Variants in SON observed in about 807,000 individuals in gnomAD.
SON encodes protein SON.
Under a neutral mutation model 173.3 loss-of-function variants are expected in SON, and 4 were observed. That is an observed-to-expected ratio of 0.02 (90% CI 0.01 to 0.05). The LOEUF (loss-of-function observed/expected upper bound fraction) is 0.05, where lower values mean the gene tolerates loss of function less well. Ranked by LOEUF, SON falls within the 10% of genes least tolerant of loss-of-function variation. The pLI is 1.00. For synonymous variants in SON, 1,190 were observed against 1,105.9 expected, an observed-to-expected ratio of 1.08 and a Z score of -1.51; for missense variants, 2,626 against 3,055.3, an observed-to-expected ratio of 0.86 and a Z score of 3.31.
Position 33,554,528 on chromosome 21 carries a change from C to G in SON, c.5297C>G (p.Ser1766Cys), listed in dbSNP as rs546781679. 27 of 1,614,106 alleles carry G rather than the reference C, an allele frequency of 1.7e-5. No homozygotes were observed. In the South Asian group the frequency reaches 2.9e-4, roughly 17 times the overall value. Residue 1766 changes from serine to cysteine, a missense_variant, in exon 3 of 12, where the codon TCT (serine) becomes TGT (cysteine). By Grantham distance (112) the Ser-to-Cys change is moderately radical. Around this residue, in one of 13 missense-constraint regions of SON, gnomAD observed 1,006 missense variants for 895.6 expected, o/e 1.12. Transcript: ENST00000356577. Reference sequence around the variant, plus strand: ...GCAAGTGATGTTGGACGTGACAGATCTGCTGCCAGCCCGGTTGTAAGTAGT... The same window carrying G: ...GCAAGTGATGTTGGACGTGACAGATGTGCTGCCAGCCCGGTTGTAAGTAGT... Reference protein sequence around the residue: ...LLASDVGRDRSAASPVVSSMP... With the variant: ...LLASDVGRDRCAASPVVSSMP...
At chr21:33,570,587 TC>T (rs942709897) in intron 8 of SON, among the ~76,000 whole-genome samples, 1 of 152,218 alleles carries the variant, frequency 6.6e-6, no homozygotes, top group Non-Finnish European at 1.5e-5. Context: ...ATTGGATTAA[TC>T]TTGGACTTCT....
chr21:33,573,196 A>G, intron 8 of SON, 112 bp from the exon 9 acceptor site: 7 of 830,792 alleles, frequency 8.4e-6, no homozygotes, highest in Non-Finnish European at 1.3e-5. Flanking sequence ...TTTAATTGCT[A>G]TAACAGATCT....
intron 6 of SON, among the ~76,000 whole-genome samples, chr21:33,564,615 A>G (rs2086130248): frequency 6.6e-6 from 1 of 152,150 alleles, no homozygotes; most frequent in African/African-American, 2.4e-5. Flanking sequence ...AATCCCAGAA[A>G]TTTGGGAGGC....
At position 33,546,228 on chromosome 21, in the gene SON, C is replaced by T. The variant is rs1027778513; in HGVS notation, c.93C>T (p.Gly31=). The change falls in exon 2 of 12, where the codon GGC becomes GGT. Residue 31 remains glycine (G), a synonymous_variant. Coordinates refer to ENST00000356577, the MANE Select transcript of SON (RefSeq NM_138927.4). ...TCATGTCAAGTGGAAGGAATGAAGG[C>T]CAGCTGAATGGTGAAACAAATACAC... ...QQELSSGRNE[G]QLNGETNTPI... is the part of the protein sequence containing the mutation. The T allele has an allele frequency of 6.2e-7, 1 of 1,608,254 alleles. No individual in the cohort carries two copies. The highest frequency in any genetic ancestry group is 1.1e-5 in the South Asian group (1 of 89,658).
intron 3 of SON, 69 bp downstream of exon 3, chr21:33,555,460 T>G (rs1271497928): frequency 7.3e-7 from 1 of 1,375,428 alleles, no homozygotes; most frequent in African/African-American, 1.5e-5. Flanking sequence ...TTTCTGACCT[T>G]GAGTCAAGTG....
chr21:33,567,003 TTC>T (rs1271733674), intron 6 of SON, among the ~76,000 whole-genome samples, 152 bp from the exon 7 acceptor site: 1 of 152,192 alleles, frequency 6.6e-6, no homozygotes, highest in Admixed American at 6.5e-5. Context: ...CAAGATTACT[TTC>T]TCTTTCTGAG....
In SON at chr21:33,561,942, T is replaced by C. The variant is rs150042841; in HGVS notation, c.6657+2167T>C. ...ATGATGTCTCTTGTGGGACGATATATGTAACTATTTGATATAAAACCTCTT... is the reference window on the plus strand; with the variant it reads ...ATGATGTCTCTTGTGGGACGATATACGTAACTATTTGATATAAAACCTCTT... On this transcript the variant is annotated intron_variant, in intron 6 of 11. Transcript: ENST00000356577. Among the ~76,000 whole-genome samples the C allele has an allele frequency of 1.9e-3, 293 of 152,324 alleles. 1 individual carries two copies. Among genetic ancestry groups the C allele is most frequent in the Non-Finnish European group, 2.9e-4 (20 of 68,030 alleles).
At position 33,552,193 on chromosome 21, in the gene SON, C is replaced by G; in HGVS notation, c.2962C>G (p.Pro988Ala). The G allele has an allele frequency of 6.2e-7, 1 of 1,614,086 alleles. No individual in the cohort carries two copies. The highest frequency in any genetic ancestry group is 8.5e-7 in the Non-Finnish European group (1 of 1,179,996). Residue 988 changes from proline to alanine, a missense_variant, in exon 3 of 12, where the codon CCT becomes GCT. By Grantham distance (27) the Pro-to-Ala change is conservative (BLOSUM62 -1). Around this residue, in one of 13 missense-constraint regions of SON, gnomAD observed 366 missense variants for 448.6 expected, o/e 0.82. Coordinates refer to ENST00000356577, the MANE Select transcript of SON (RefSeq NM_138927.4). The surrounding 1 kb of genome is among the most constrained non-coding windows in gnomAD (Gnocchi z 5.6). ...AGCACCCAGGCCATATAGGTTAGCA[C>G]CTAGACCCCTGATGTTAGCATCTAG... ...RIAPRPYRLA[P>A]RPLMLASRRS...
chr21:33,570,972 TCTTCTGGTATTTG>T (rs1292914302), intron 8 of SON, among the ~76,000 whole-genome samples: 16 of 150,776 alleles, frequency 1.1e-4, no homozygotes, highest in African/African-American at 3.7e-4. Flanking sequence ...TAAAATAATT[TCTTCTGGTATTTG>T]CAGTCTTGTA....
In SON at chr21:33,576,967, A is replaced by G. The variant is rs552921665; in HGVS notation, c.*543A>G. ...GCTGTGCACCTTGTACTATTTCACA[A>G]TGGGTTCTGCTGGACAGATAATGGG... On this transcript the variant is annotated 3_prime_UTR_variant, in exon 12 of 12. Coordinates refer to ENST00000356577, the MANE Select transcript of SON (RefSeq NM_138927.4). The G allele has an allele frequency of 2.3e-4, 45 of 196,298 alleles. No homozygotes were observed. The highest frequency in any genetic ancestry group is 5.6e-4 in the South Asian group (6 of 10,676). The allele number at this position is 196,298 out of a possible 1,614,324, so 12.2% of individuals were successfully genotyped here. A position where few individuals can be genotyped will look rare whatever the true frequency, so the allele number is the denominator to read the frequency against.
rs541859368 is a variant in SON, at chr21:33,573,289, CCTTT to C, written c.6886-10_6886-7del. ...CTAACTGTAAAATGGGGACATTTTA[CCTTT>C]CTTTCTTTGGATAGGATCAGTTCTT... On this transcript the variant is annotated splice_polypyrimidine_tract_variant and intron_variant, in intron 8 of 11. Coordinates refer to ENST00000356577, the MANE Select transcript of SON (RefSeq NM_138927.4). 1.1e-4 allele frequency: 169 copies of C among 1,591,618 alleles called. No homozygotes were observed. The highest frequency in any genetic ancestry group is 1.8e-4 in the East Asian group (8 of 44,750).
chr21:33,549,109 T>A (rs2085691629), intron 2 of SON, among the ~76,000 whole-genome samples: 1 of 151,744 alleles, frequency 6.6e-6, no homozygotes, highest in African/African-American at 2.4e-5. Flanking sequence ...GACAGAGTCT[T>A]GCTCTGTTGC....
At chr21:33,574,535 G>A (rs1428779194) in intron 9 of SON, among the ~76,000 whole-genome samples, 1 of 152,188 alleles carries the variant, frequency 6.6e-6, no homozygotes, top group Non-Finnish European at 1.5e-5. Flanking sequence ...TACAGGATGA[G>A]CATCCCACAT....
chr21:33,550,404 G>A lies in SON; in HGVS notation c.1173G>A (p.Met391Ile). ...TGCCGGGGCCACCTGCGACCTCCAT[G>A]CCGGAGTTGCAGGGGCCCCCTGTGA... ...MELPGPPATS[M>I]PELQGPPVTP... The change falls in exon 3 of 12, where the codon ATG becomes ATA. Residue 391 changes from methionine (M) to isoleucine (I), a missense_variant. Met to Ile is a conservative substitution (Grantham distance 10). Around this residue, in one of 13 missense-constraint regions of SON, gnomAD observed 757 missense variants for 730.1 expected, o/e 1.04. Coordinates refer to ENST00000356577, the MANE Select transcript of SON (RefSeq NM_138927.4). The A allele has an allele frequency of 6.2e-7, 1 of 1,613,970 alleles. No individual in the cohort carries two copies. The highest frequency in any genetic ancestry group is 1.7e-5 in the Admixed American group (1 of 60,020).
At position 33,553,785 on chromosome 21, in the gene SON, C is replaced by A; in HGVS notation, c.4554C>A (p.His1518Gln). 1 of 1,613,998 alleles carries A rather than the reference C, an allele frequency of 6.2e-7. No individual in the cohort carries two copies. Among genetic ancestry groups the A allele is most frequent in the Non-Finnish European group, 8.5e-7 (1 of 1,179,968 alleles). ...HSGEEPHAEE[H>Q]LKGDFYESEH... ...GTGAAGAACCACATGCTGAGGAACA[C>A]CTGAAAGGTGACTTTTACGAAAGTG... The change falls in exon 3 of 12, where the codon CAC becomes CAA. Residue 1518 changes from histidine to glutamine, a missense_variant. Around this residue, in one of 13 missense-constraint regions of SON, gnomAD observed 1,006 missense variants for 895.6 expected, o/e 1.12. Coordinates refer to ENST00000356577, the MANE Select transcript of SON (RefSeq NM_138927.4).
At chr21:33,561,774 G>C (rs1024442130) in intron 6 of SON, among the ~76,000 whole-genome samples, 1 of 152,100 alleles carries the variant, frequency 6.6e-6, no homozygotes, top group African/African-American at 2.4e-5. Context: ...TCTTAAATCT[G>C]GTGGGAAAAG....
chr21:33,565,953 T>A (rs1296402942), intron 6 of SON, among the ~76,000 whole-genome samples: 1 of 152,208 alleles, frequency 6.6e-6, no homozygotes. Flanking sequence ...TTGTGAATCC[T>A]TATGCATGAG....
In SON at chr21:33,557,285, C is replaced by T. The variant is rs1324787270; in HGVS notation, c.6290C>T (p.Ser2097Leu). 1.2e-6 allele frequency: 2 copies of T among 1,613,604 alleles called. No homozygotes were observed. The highest frequency in any genetic ancestry group is 1.7e-6 in the Non-Finnish European group (2 of 1,179,908). ...ATAGAAGAGAAAGTTGCTAAAAAGT[C>T]AGGAGGAGCTACTATAGAAGAACTA... is the stretch of plus-strand genomic sequence containing the variant. ...PTIEEKVAKK[S>L]GGATIEELTE... Residue 2097 changes from serine to leucine, a missense_variant, in exon 4 of 12, where the codon TCA (serine) becomes TTA (leucine). Around this residue, in one of 13 missense-constraint regions of SON, gnomAD observed 19 missense variants for 16.8 expected, o/e 1.13. Coordinates refer to ENST00000356577, the MANE Select transcript of SON (RefSeq NM_138927.4).
chr21:33,575,758 G>C lies in SON; in HGVS notation c.7106-20G>C. The C allele has an allele frequency of 6.4e-7, 1 of 1,568,154 alleles. No individual in the cohort carries two copies. Among genetic ancestry groups the C allele is most frequent in the East Asian group, 2.2e-5 (1 of 44,536 alleles). On this transcript the variant is annotated intron_variant, in intron 10 of 11. Transcript: ENST00000356577. Reference sequence around the variant, plus strand: ...AGTTGGTGGAAATAATTTAAAACTGGGTATTTCTCCCCCCTGCAGGCAAAC... The same window carrying C: ...AGTTGGTGGAAATAATTTAAAACTGCGTATTTCTCCCCCCTGCAGGCAAAC...
Sources: gnomAD v4.1 joint callset for allele counts (sites outside exome capture counted in the v4.1 genomes callset) on GRCh38, gnomAD v4.1.1 for gene constraint, gnomAD v4.1.1 regional missense constraint, Gnocchi (gnomAD v3.1) non-coding constraint, MANE v1.5 for transcripts, NCBI Gene and HGNC (gene_info 2026-07-23, HGNC 2026-07-21) for gene names.